NEXMIF: variants seen among roughly 807,000 people sequenced by gnomAD.
NEXMIF encodes the protein neurite extension and migration factor.
In NEXMIF, 8 loss-of-function variants were observed where a neutral mutation model predicts 62.1. The ratio of observed to expected loss-of-function variants is 0.13; its 90% confidence interval spans 0.08 to 0.23. The LOEUF is 0.23. Ranked by LOEUF, NEXMIF falls within the 10% of genes least tolerant of loss-of-function variation. The probability of loss-of-function intolerance (pLI) is 1.00; values close to 1 mark genes in which losing one functional copy is unlikely to be tolerated. For synonymous variants in NEXMIF, 404 were observed against 416.6 expected, an observed-to-expected ratio of 0.97 and a Z score of 0.37; for missense variants, 976 against 1,113.3, an observed-to-expected ratio of 0.88 and a Z score of 1.75.
intron 1 of NEXMIF, among the ~76,000 whole-genome samples, chrX:74,890,799 ATTTGAAAC>A (rs954522284): frequency 9.0e-6 from 1 of 111,206 alleles, no homozygotes; most frequent in African/African-American, 3.3e-5. Flanking sequence ...CACAGTCATC[ATTTGAAAC>A]TTTGACCCTG....
intron 1 of NEXMIF, among the ~76,000 whole-genome samples, chrX:74,759,750 T>C (rs1318769840): frequency 9.0e-6 from 1 of 111,588 alleles, no homozygotes; most frequent in Non-Finnish European, 1.9e-5. Context: ...GGTATATGTG[T>C]CTGTTTTTGT....
chrX:74,744,557 G>T, intron 2 of NEXMIF, 80 bp from the exon 3 acceptor site: 1 of 692,439 alleles, frequency 1.4e-6, no homozygotes, highest in Non-Finnish European at 2.1e-6. Flanking sequence ...CCCTTGATCA[G>T]TTTCTGGTAC....
In NEXMIF at chrX:74,742,381, C is replaced by T; in HGVS notation, c.2176G>A (p.Ala726Thr). Residue 726 changes from alanine to threonine, a missense_variant, in exon 3 of 4, where the codon GCT becomes ACT. Physicochemically the swap from Ala to Thr is moderately conservative, Grantham distance 58 (BLOSUM62 0). Coordinates refer to ENST00000055682, the MANE Select transcript of NEXMIF (RefSeq NM_001008537.3). Reference protein sequence around the residue: ...VLNKIKFKSEARLKSKKVKAA... With the variant: ...VLNKIKFKSETRLKSKKVKAA... ...TTGACTTTCTTAGATTTTAACCTAG[C>T]TTCACTTTTAAATTTGATTTTATTG... is the stretch of plus-strand genomic sequence containing the variant. 1 of 1,211,409 alleles carries T rather than the reference C, an allele frequency of 8.3e-7. No individual in the cohort carries two copies. The highest frequency in any genetic ancestry group is 1.8e-5 in the South Asian group (1 of 56,971).
intron 1 of NEXMIF, among the ~76,000 whole-genome samples, chrX:74,869,510 A>G (rs902531233): frequency 8.9e-6 from 1 of 111,998 alleles, no homozygotes; most frequent in Non-Finnish European, 1.9e-5. Context: ...GGGCATCCAA[A>G]TTGGAAATGA....
intron 1 of NEXMIF, among the ~76,000 whole-genome samples, chrX:74,883,918 G>T (rs1401811133): frequency 8.9e-6 from 1 of 112,296 alleles, no homozygotes; most frequent in Non-Finnish European, 1.9e-5. Context: ...TACCCACAAA[G>T]GGAAGCCCAT....
rs763771045 is a variant in NEXMIF, at chrX:74,843,091, T to C, written c.-48+81792A>G. Among the ~76,000 whole-genome samples the C allele has an allele frequency of 4.5e-5, 5 of 111,903 alleles. No homozygotes were observed. The East Asian group carries it at 1.4e-3, about 32-fold the overall frequency. On this transcript the variant is annotated intron_variant, in intron 1 of 3. Coordinates refer to ENST00000055682, the MANE Select transcript of NEXMIF (RefSeq NM_001008537.3). ...GTGGAGTGTTGAAGTCTCCCACTAT[T>C]ATTGTGTGGGAATCTAAGTCTCTTT...
intron 1 of NEXMIF, among the ~76,000 whole-genome samples, chrX:74,816,861 C>G (rs1464504873): frequency 8.9e-6 from 1 of 112,088 alleles, no homozygotes; most frequent in East Asian, 2.8e-4. Flanking sequence ...CTGCTGTGAT[C>G]TATTAAACTT....
chrX:74,759,246 C>T (rs1408278225), intron 1 of NEXMIF, among the ~76,000 whole-genome samples: 3 of 111,709 alleles, frequency 2.7e-5, no homozygotes, highest in African/African-American at 9.8e-5. Context: ...TTTGTTTTTT[C>T]TTGTAAATGT....
At chrX:74,807,352 G>A (rs2080347988) in intron 1 of NEXMIF, among the ~76,000 whole-genome samples, 1 of 111,326 alleles carries the variant, frequency 9.0e-6, no homozygotes, top group Non-Finnish European at 1.9e-5. Flanking sequence ...GTCTCACTCT[G>A]TCATCTAAGC....
intron 1 of NEXMIF, among the ~76,000 whole-genome samples, chrX:74,888,451 C>G (rs1324058676): frequency 9.1e-6 from 1 of 109,376 alleles, no homozygotes; most frequent in South Asian, 4.0e-4. Flanking sequence ...AACAGAAAAC[C>G]AAACACTGCA....
rs148280710 is a variant in NEXMIF at position 74,921,985 on chromosome X, A to G, written c.-48+2898T>C. ...TACAGAAGAAAAAATATTATTTACT[A>G]GAACTGGATTTAGGAACAGAGAAAC... On this transcript the variant is annotated intron_variant, in intron 1 of 3. Transcript: ENST00000055682. Among the ~76,000 whole-genome samples the G allele has an allele frequency of 6.3e-4, 71 of 112,183 alleles. No homozygotes were observed. The East Asian group carries it at 0.019, about 30-fold the overall frequency.
chrX:74,800,814 T>C (rs1035584006), intron 1 of NEXMIF, among the ~76,000 whole-genome samples: 8 of 111,552 alleles, frequency 7.2e-5, no homozygotes, highest in African/African-American at 2.6e-4. Flanking sequence ...CTAATGTTGA[T>C]AGACTGTTAA....
At chrX:74,844,919 C>T (rs2080486901) in intron 1 of NEXMIF, among the ~76,000 whole-genome samples, 1 of 112,085 alleles carries the variant, frequency 8.9e-6, no homozygotes, top group African/African-American at 3.2e-5. Context: ...ACAAAACTAA[C>T]TAGACATGGA....
chrX:74,771,341 T>C (rs151181061), intron 1 of NEXMIF, among the ~76,000 whole-genome samples: 111 of 110,716 alleles, frequency 1.0e-3, no homozygotes, highest in African/African-American at 3.3e-3. Context: ...AGAGGTTAGT[T>C]TGAAATCCCT....
At chrX:74,826,708 TC>T (rs758699028) in intron 1 of NEXMIF, among the ~76,000 whole-genome samples, 3 of 111,312 alleles carry the variant, frequency 2.7e-5, no homozygotes, top group Non-Finnish European at 3.8e-5. Context: ...TATTGTAGTT[TC>T]CCCCTGTGTT....
At chrX:74,895,815 G>A (rs1294165009) in intron 1 of NEXMIF, among the ~76,000 whole-genome samples, 3 of 106,299 alleles carry the variant, frequency 2.8e-5, no homozygotes, top group East Asian at 2.9e-4. Flanking sequence ...GGTGTGAAGC[G>A]GGGGCGGTGG....
At chrX:74,751,155 G>A (rs977154105) in intron 1 of NEXMIF, among the ~76,000 whole-genome samples, 2 of 111,136 alleles carry the variant, frequency 1.8e-5, no homozygotes, top group African/African-American at 6.6e-5. Flanking sequence ...GCTTGAACCC[G>A]GGAGGTTGAA....
Position 74,742,192 on chromosome X carries a change from G to A in NEXMIF, c.2365C>T (p.Pro789Ser), listed in dbSNP as rs2080107659. 2.5e-6 allele frequency: 3 copies of A among 1,211,461 alleles called. No homozygotes were observed. Among genetic ancestry groups the A allele is most frequent in the Non-Finnish European group, 3.4e-6 (3 of 895,216 alleles). Residue 789 changes from proline (P) to serine (S), a missense_variant, in exon 3 of 4, where the codon CCA (proline) becomes TCA (serine). By Grantham distance (74) the Pro-to-Ser change is moderately conservative. Transcript: ENST00000055682. ...AKAAKSSTFLPTTCSSEMPLS... is the reference protein window; with the variant it reads ...AKAAKSSTFLSTTCSSEMPLS... ...GGCATTTCAGAAGAGCATGTCGTTGGTAGAAAAGTGGAACTCTTAGCAGCC... is the reference window on the plus strand; with the variant it reads ...GGCATTTCAGAAGAGCATGTCGTTGATAGAAAAGTGGAACTCTTAGCAGCC...
intron 1 of NEXMIF, among the ~76,000 whole-genome samples, chrX:74,767,073 G>T (rs2080196991): frequency 8.9e-6 from 1 of 112,417 alleles, no homozygotes; most frequent in South Asian, 3.7e-4. Context: ...GACAGCGAGA[G>T]TGAGGGCTGC....
Sources: allele counts gnomAD v4.1 joint callset (sites outside exome capture counted in the v4.1 genomes callset), GRCh38; gene constraint gnomAD v4.1.1; transcripts MANE v1.5; gene names NCBI Gene and HGNC (gene_info 2026-07-23, HGNC 2026-07-21).